NCEH1: variants seen among roughly 807,000 people sequenced by gnomAD.
NCEH1 encodes neutral cholesterol ester hydrolase 1.
Under a neutral mutation model 25.4 loss-of-function variants are expected in NCEH1, and 9 were observed. That is an observed-to-expected ratio of 0.35 (90% CI 0.21 to 0.62). NCEH1 has a LOEUF of 0.62. Among genes scored for constraint, NCEH1 ranks in the 20% least tolerant of loss-of-function variants. NCEH1 has a pLI of 0.72. For synonymous variants in NCEH1, 200 were observed against 199.8 expected, an observed-to-expected ratio of 1.00 and a Z score of -0.01; for missense variants, 412 against 501.1, an observed-to-expected ratio of 0.82 and a Z score of 1.70.
At chr3:172,706,811 T>C (rs1714028507) in intron 1 of NCEH1, among the ~76,000 whole-genome samples, 2 of 152,282 alleles carry the variant, frequency 1.3e-5, no homozygotes, top group South Asian at 4.1e-4. Flanking sequence ...TTCATTCGTT[T>C]AAATGGTGCT....
At chr3:172,680,432 C>T (rs187536387) in intron 1 of NCEH1, among the ~76,000 whole-genome samples, 30 of 152,292 alleles carry the variant, frequency 2.0e-4, no homozygotes, top group Non-Finnish European at 3.8e-4. Context: ...GACAACTGAT[C>T]TCTTCATGCT....
chr3:172,676,344 C>A (rs901664037), intron 1 of NCEH1, among the ~76,000 whole-genome samples: 7 of 152,154 alleles, frequency 4.6e-5, no homozygotes, highest in African/African-American at 1.7e-4. Flanking sequence ...TATGGCGACT[C>A]CTGCCTTCTT....
At chr3:172,654,783 A>T (rs1045676376) in intron 1 of NCEH1, among the ~76,000 whole-genome samples, 2 of 152,190 alleles carry the variant, frequency 1.3e-5, no homozygotes, top group Non-Finnish European at 2.9e-5. Flanking sequence ...TTTGTATTCT[A>T]TGTCAGTGAC....
intron 1 of NCEH1, among the ~76,000 whole-genome samples, chr3:172,672,698 A>G (rs1207968500): frequency 6.6e-6 from 1 of 152,220 alleles, no homozygotes; most frequent in Non-Finnish European, 1.5e-5. Context: ...GAGGAGGCCC[A>G]AAAGAAAGAG....
At chr3:172,653,735 G>GTTTTTGTTTTTTTTTTTGTTTTT (rs780071347) in intron 1 of NCEH1, among the ~76,000 whole-genome samples, 3 of 71,026 alleles carry the variant, frequency 4.2e-5, no homozygotes, top group African/African-American at 1.5e-4. Context: ...TTGTTGTTCT[G>GTTTTTGTTTTTTTTTTTGTTTTT]TTTTTTTTGT....
At chr3:172,707,005 C>T (rs964257393) in intron 1 of NCEH1, among the ~76,000 whole-genome samples, 1 of 152,046 alleles carries the variant, frequency 6.6e-6, no homozygotes, top group African/African-American at 2.4e-5. Flanking sequence ...TCCATCATTA[C>T]TTACCATAAA....
At chr3:172,694,254 G>A (rs868596873) in intron 1 of NCEH1, among the ~76,000 whole-genome samples, 1 of 152,182 alleles carries the variant, frequency 6.6e-6, no homozygotes, top group Non-Finnish European at 1.5e-5. Context: ...TTAATCTGAT[G>A]AGAACCTTTT....
chr3:172,703,202 A>G (rs1188726240), intron 1 of NCEH1: 1 of 152,194 alleles, frequency 6.6e-6, no homozygotes, highest in Non-Finnish European at 1.5e-5. Flanking sequence ...AGGATGACAC[A>G]CATTTGCAGT....
At chr3:172,676,332 A>AAT (rs1445935226) in intron 1 of NCEH1, among the ~76,000 whole-genome samples, 1 of 152,144 alleles carries the variant, frequency 6.6e-6, no homozygotes, top group East Asian at 1.9e-4. Flanking sequence ...TGGTCCACCC[A>AAT]ATATGGCGAC....
In NCEH1 at chr3:172,660,131, C is replaced by T. The variant is rs58527440; in HGVS notation, c.139-12017G>A. Among the ~76,000 whole-genome samples the T allele has an allele frequency of 2.2e-5, 3 of 136,108 alleles. 1 individual carries two copies. The highest frequency in any genetic ancestry group is 7.9e-5 in the African/African-American group (3 of 37,886). The allele number at this position is 136,108 out of a possible 152,430, so 89.3% of individuals were successfully genotyped here. On this transcript the variant is annotated intron_variant, in intron 1 of 4. Transcript: ENST00000475381. ...GTTTCTCCTAATGCTATCCCTCCCC[C>T]CTCCCCACGACAGGCCCCAGTGTGT...
intron 1 of NCEH1, among the ~76,000 whole-genome samples, chr3:172,648,648 T>C (rs1354403655): frequency 6.6e-6 from 1 of 152,192 alleles, no homozygotes; most frequent in Non-Finnish European, 1.5e-5. Flanking sequence ...TCTTTAAATG[T>C]GTCTTGTCCT....
chr3:172,645,680 T>A lies in NCEH1; in HGVS notation c.380A>T (p.Tyr127Phe). ...AGCCATTGCTGTACACAGCTCATCA[T>A]AATACCTGATTTCTAAAAGACACAA... ...WALASAKIRY[Y>F]DELCTAMAEE... Residue 127 changes from tyrosine (Y) to phenylalanine (F), a missense_variant, in exon 3 of 5, where the codon TAT becomes TTT. Physicochemically the swap from Tyr to Phe is conservative, Grantham distance 22. Transcript: ENST00000475381. 4 of 1,590,280 alleles carry A rather than the reference T, an allele frequency of 2.5e-6. No homozygotes were observed. The African/African-American group carries it at 4.0e-5, about 16-fold the overall frequency.
At chr3:172,701,501 G>A (rs1713680722) in intron 1 of NCEH1, among the ~76,000 whole-genome samples, 1 of 137,530 alleles carries the variant, frequency 7.3e-6, no homozygotes, top group African/African-American at 2.9e-5. Context: ...CCAGGCTGGA[G>A]TGCAGTGGTG....
At chr3:172,669,371 T>C (rs529786612) in intron 1 of NCEH1, among the ~76,000 whole-genome samples, 8 of 152,218 alleles carry the variant, frequency 5.3e-5, no homozygotes, top group Non-Finnish European at 8.8e-5. Context: ...GCCTATTTCA[T>C]GTTATGAGAG....
At chr3:172,672,483 T>C (rs12106709) in intron 1 of NCEH1, among the ~76,000 whole-genome samples, 8,228 of 152,288 alleles carry the variant, frequency 0.054, 758 homozygotes, top group African/African-American at 0.19. Context: ...GTGGCCTTTA[T>C]AGAAAGGCTG....
intron 1 of NCEH1, among the ~76,000 whole-genome samples, chr3:172,659,728 G>A (rs1717879613): frequency 6.6e-6 from 1 of 152,118 alleles, no homozygotes; most frequent in South Asian, 2.1e-4. Context: ...TACCCAAAGG[G>A]AAACTAAGGC....
At chr3:172,677,135 C>T (rs1321873689) in intron 1 of NCEH1, among the ~76,000 whole-genome samples, 4 of 152,232 alleles carry the variant, frequency 2.6e-5, no homozygotes, top group African/African-American at 7.2e-5. Context: ...CTCCCATATT[C>T]CCTTCTTTGA....
At chr3:172,697,709 A>G (rs1206867684) in intron 1 of NCEH1, among the ~76,000 whole-genome samples, 4 of 152,222 alleles carry the variant, frequency 2.6e-5, no homozygotes, top group African/African-American at 4.8e-5. Context: ...TTGAACAACC[A>G]TAACAGGAGA....
At chr3:172,709,094 A>G (rs1714163459) in intron 1 of NCEH1, among the ~76,000 whole-genome samples, 1 of 152,232 alleles carries the variant, frequency 6.6e-6, no homozygotes, top group Admixed American at 6.5e-5. Context: ...TACACCCACT[A>G]TCATTCCCAA....
Sources: allele counts gnomAD v4.1 joint callset (sites outside exome capture counted in the v4.1 genomes callset), GRCh38; gene constraint gnomAD v4.1.1; transcripts MANE v1.5; gene names NCBI Gene and HGNC (gene_info 2026-07-23, HGNC 2026-07-21).